The following F13A1 variants were observed in gnomAD, a reference collection of about 807,000 sequenced individuals.
F13A1 encodes the protein FSF, A subunit.
In F13A1, 47 loss-of-function variants were observed where a neutral mutation model predicts 80.1. That is an observed-to-expected ratio of 0.59 (90% CI 0.46 to 0.75). The LOEUF (loss-of-function observed/expected upper bound fraction) is 0.75. Ranked by LOEUF, F13A1 falls within the 30% of genes least tolerant of loss-of-function variation. The probability of loss-of-function intolerance (pLI) is 0.00; values close to 1 mark genes in which losing one functional copy is unlikely to be tolerated. For missense variants in F13A1, 817 were observed against 930.4 expected, an observed-to-expected ratio of 0.88 and a Z score of 1.59; for synonymous variants, 349 against 344.9, an observed-to-expected ratio of 1.01 and a Z score of -0.13.
intron 6 of F13A1, among the ~76,000 whole-genome samples, chr6:6,231,556 A>C (rs540971912): frequency 6.6e-6 from 1 of 152,368 alleles, no homozygotes; most frequent in South Asian, 2.1e-4. Context: ...CTAGACATCC[A>C]AATACAAGAA....
At chr6:6,167,723 C>T in intron 12 of F13A1, 105 bp from the exon 13 acceptor site, 2 of 1,300,114 alleles carry the variant, frequency 1.5e-6, no homozygotes, top group East Asian at 2.5e-5. Flanking sequence ...CTGGAAGCCA[C>T]CAGGAACACA....
intron 2 of F13A1, among the ~76,000 whole-genome samples, chr6:6,316,078 C>CACATAT (rs1758677166): frequency 5.7e-5 from 2 of 34,944 alleles, no homozygotes; most frequent in Admixed American, 4.0e-4. Flanking sequence ...TGTGTGTGTG[C>CACATAT]ATATATATAT....
At chr6:6,195,244 G>C (rs969302102) in intron 10 of F13A1, among the ~76,000 whole-genome samples, 1 of 152,232 alleles carries the variant, frequency 6.6e-6, no homozygotes, top group African/African-American at 2.4e-5. Context: ...TAGGTGGGCT[G>C]TATTCCTCTC....
At chr6:6,260,988 A>G (rs1757772217) in intron 4 of F13A1, among the ~76,000 whole-genome samples, 1 of 152,102 alleles carries the variant, frequency 6.6e-6, no homozygotes, top group Admixed American at 6.5e-5. Context: ...TTGTTTTTTG[A>G]GATGGAGTCT....
chr6:6,303,121 T>C (rs1317456913), intron 3 of F13A1, among the ~76,000 whole-genome samples: 1 of 152,214 alleles, frequency 6.6e-6, no homozygotes, highest in African/African-American at 2.4e-5. Flanking sequence ...TTAACTCATA[T>C]ACTGAAATCC....
chr6:6,265,750 A>G (rs979640877), intron 4 of F13A1, among the ~76,000 whole-genome samples: 9 of 152,252 alleles, frequency 5.9e-5, no homozygotes, highest in African/African-American at 2.2e-4. Flanking sequence ...CTTTAGATAT[A>G]CAGACTTTCT....
At chr6:6,288,562 T>C (rs1758169681) in intron 3 of F13A1, among the ~76,000 whole-genome samples, 1 of 152,204 alleles carries the variant, frequency 6.6e-6, no homozygotes, top group Admixed American at 6.5e-5. Flanking sequence ...TCTTTATCCA[T>C]TGGTTAGGTT....
chr6:6,222,984 T>C lies in F13A1; in HGVS notation c.974-813A>G, dbSNP rs3024410. Reference sequence around the variant, plus strand: ...GCTGCCACGGGCCTCCCGTTCCCATTTTCCTTTCTTGATTTTCAGCCCTGT... The same window carrying C: ...GCTGCCACGGGCCTCCCGTTCCCATCTTCCTTTCTTGATTTTCAGCCCTGT... On this transcript the variant is annotated intron_variant, in intron 7 of 14. Transcript: ENST00000264870. Among the ~76,000 whole-genome samples the C allele has an allele frequency of 2.0e-3, 302 of 152,316 alleles. 3 individuals carry two copies. The highest frequency in any genetic ancestry group is 7.0e-3 in the African/African-American group (293 of 41,572).
At chr6:6,221,697 C>T (rs3024419) in intron 8 of F13A1, among the ~76,000 whole-genome samples, 13,685 of 152,120 alleles carry the variant, frequency 0.09, 998 homozygotes, top group East Asian at 0.43. Context: ...ACCCAGAGAA[C>T]GCTTGGCTCC....
At chr6:6,146,930 T>C (rs1026984363) in intron 14 of F13A1, among the ~76,000 whole-genome samples, 8 of 152,006 alleles carry the variant, frequency 5.3e-5, no homozygotes, top group Middle Eastern at 3.2e-3. Flanking sequence ...AATGAGTGAA[T>C]AAAGAAATTG....
At chr6:6,221,905 G>A in intron 8 of F13A1, 128 bp downstream of exon 8, 1 of 1,077,562 alleles carries the variant, frequency 9.3e-7, no homozygotes. Flanking sequence ...GACAATCAGA[G>A]TTTTCTGCCT....
intron 13 of F13A1, among the ~76,000 whole-genome samples, chr6:6,163,636 T>C (rs1289607724): frequency 6.6e-6 from 1 of 152,188 alleles, no homozygotes; most frequent in African/African-American, 2.4e-5. Flanking sequence ...TAATGGTCTC[T>C]GGCTCCATTC....
intron 13 of F13A1, among the ~76,000 whole-genome samples, chr6:6,163,656 C>T (rs114987593): frequency 0.018 from 2,675 of 152,212 alleles, 56 homozygotes; most frequent in Middle Eastern, 0.054. Flanking sequence ...CGTGTTCCTG[C>T]GAAGGACATG....
At chr6:6,172,429 T>C (rs1760792137) in intron 12 of F13A1, among the ~76,000 whole-genome samples, 1 of 148,190 alleles carries the variant, frequency 6.7e-6, no homozygotes, top group African/African-American at 2.5e-5. Context: ...AAGCTTTTAG[T>C]TTCCAAAGAA....
intron 8 of F13A1, among the ~76,000 whole-genome samples, chr6:6,216,181 A>G (rs1303342662): frequency 2.0e-5 from 3 of 152,152 alleles, no homozygotes; most frequent in African/African-American, 7.2e-5. Context: ...AACTACCTGA[A>G]AGTTCATATG....
chr6:6,249,457 T>A (rs1757600333), intron 5 of F13A1, among the ~76,000 whole-genome samples: 1 of 152,218 alleles, frequency 6.6e-6, no homozygotes, highest in South Asian at 2.1e-4. Context: ...ATTCCCTGCA[T>A]CACTGTAAAC....
At chr6:6,172,097 T>C (rs762809579) in intron 12 of F13A1, among the ~76,000 whole-genome samples, 5 of 152,330 alleles carry the variant, frequency 3.3e-5, no homozygotes, top group Non-Finnish European at 7.4e-5. Flanking sequence ...GTCTCCAGCA[T>C]AAAACAGAAC....
intron 3 of F13A1, among the ~76,000 whole-genome samples, chr6:6,301,200 T>C (rs946930772): frequency 2.0e-5 from 3 of 152,224 alleles, no homozygotes; most frequent in South Asian, 2.1e-4. Context: ...CAATGTTCTT[T>C]TTTCTTCCTG....
chr6:6,187,146 G>C (rs1039530472), intron 10 of F13A1, among the ~76,000 whole-genome samples: 1 of 124,664 alleles, frequency 8.0e-6, no homozygotes, highest in Non-Finnish European at 1.7e-5. Flanking sequence ...GGGTTTTCTA[G>C]ATATACAATC....
Sources: allele counts gnomAD v4.1 joint callset (sites outside exome capture counted in the v4.1 genomes callset), GRCh38; gene constraint gnomAD v4.1.1; transcripts MANE v1.5; gene names NCBI Gene and HGNC (gene_info 2026-07-23, HGNC 2026-07-21).